The following RNF220 variants were observed in gnomAD, a reference collection of about 807,000 sequenced individuals.
RNF220 encodes the protein ring finger protein 220.
Under a neutral mutation model 67.1 loss-of-function variants are expected in RNF220, and 7 were observed. The observed-to-expected ratio is 0.10, with a 90% CI of 0.06 to 0.20. RNF220 has a LOEUF of 0.20. Among genes scored for constraint, RNF220 ranks in the 10% least tolerant of loss-of-function variants. The pLI, the probability that RNF220 is intolerant of heterozygous loss-of-function variation, is 1.00. For synonymous variants in RNF220, 270 were observed against 283.2 expected (o/e 0.95, Z 0.47); for missense variants, 565 against 740.3 (o/e 0.76, Z 2.75).
intron 2 of RNF220, among the ~76,000 whole-genome samples, chr1:44,557,719 A>T (rs1051462760): frequency 3.3e-5 from 5 of 152,242 alleles, no homozygotes; most frequent in Non-Finnish European, 7.3e-5. Flanking sequence ...GCCACGGTAT[A>T]AAATCACCTT....
intron 2 of RNF220, among the ~76,000 whole-genome samples, chr1:44,567,964 T>C (rs1422424547): frequency 6.6e-6 from 1 of 152,114 alleles, no homozygotes; most frequent in African/African-American, 2.4e-5. Flanking sequence ...ACTCAACTTG[T>C]CCAAAGCTGA....
At position 44,645,598 on chromosome 1, in the gene RNF220, T is replaced by A; in HGVS notation, c.1445+110T>A. 13 of 1,062,256 alleles carry A rather than the reference T, an allele frequency of 1.2e-5. No homozygotes were observed. The highest frequency in any genetic ancestry group is 1.7e-5 in the Non-Finnish European group (12 of 709,750). The allele number at this position is 1,062,256 out of a possible 1,614,324, so 65.8% of individuals were successfully genotyped here. A position where few individuals can be genotyped will look rare whatever the true frequency, so the allele number is the denominator to read the frequency against. ...GGCTTCTGGCCCTCCCAAGTGCAGC[T>A]CAGTGCTGCTGCCCTGGGCACACGG... On this transcript the variant is annotated intron_variant, in intron 12 of 14. Coordinates refer to ENST00000361799, the MANE Select transcript of RNF220 (RefSeq NM_018150.4). This position sits in a 1 kb window ranked among gnomAD's most constrained non-coding sequence, Gnocchi z 5.0.
chr1:44,471,530 A>C (rs991609364), intron 2 of RNF220, among the ~76,000 whole-genome samples: 1 of 150,592 alleles, frequency 6.6e-6, no homozygotes, highest in South Asian at 2.1e-4. Flanking sequence ...CGCTATAAAG[A>C]AGACTCATAC....
rs1368301924 is a variant in RNF220, at chr1:44,626,351, C to A, written c.859C>A (p.Pro287Thr). 2 of 1,613,578 alleles carry A rather than the reference C, an allele frequency of 1.2e-6. No homozygotes were observed. Among genetic ancestry groups the A allele is most frequent in the South Asian group, 2.2e-5 (2 of 91,060 alleles). The change falls in exon 5 of 15, where the codon CCC becomes ACC. Residue 287 changes from proline to threonine, a missense_variant. Transcript: ENST00000361799. The part of the protein sequence containing the change: ...KREGESPTAS[P>T]HSSATDDLHH... Reference sequence around the variant, plus strand: ...GGAAGGAGAGTCTCCAACGGCATCACCCCACTCATCTGCCACCGATGACCT... The same window carrying A: ...GGAAGGAGAGTCTCCAACGGCATCAACCCACTCATCTGCCACCGATGACCT...
intron 2 of RNF220, among the ~76,000 whole-genome samples, chr1:44,437,027 C>G (rs374491430): frequency 3.9e-5 from 6 of 152,194 alleles, no homozygotes; most frequent in African/African-American, 1.2e-4. Context: ...TAGGTCATTC[C>G]TTTGAAAAAC....
rs186322895 is a variant in RNF220 at position 44,540,555 on chromosome 1, C to G, written c.626-73610C>G. Among the ~76,000 whole-genome samples, 24 of 152,270 alleles carry G rather than the reference C, an allele frequency of 1.6e-4. No individual in the cohort carries two copies. In the East Asian group the frequency reaches 4.4e-3, roughly 28 times the overall value. ...TGTTGCGTTCCCTCTCACTCACTCC[C>G]CCTCGCCTCTGCCTTCTATGGGGAA... On this transcript the variant is annotated intron_variant, in intron 2 of 14. Coordinates refer to ENST00000361799, the MANE Select transcript of RNF220 (RefSeq NM_018150.4).
intron 2 of RNF220, among the ~76,000 whole-genome samples, chr1:44,552,946 G>T (rs1362632226): frequency 6.6e-6 from 1 of 152,024 alleles, no homozygotes; most frequent in East Asian, 1.9e-4. Flanking sequence ...CTCTCACCAC[G>T]CCCCGCCTTG....
At chr1:44,507,873 CT>C (rs150142445) in intron 2 of RNF220, among the ~76,000 whole-genome samples, 238 of 152,064 alleles carry the variant, frequency 1.6e-3, no homozygotes, top group Non-Finnish European at 2.6e-3. Flanking sequence ...GTGCCCCCCC[CT>C]CACCACACTC....
intron 5 of RNF220, among the ~76,000 whole-genome samples, chr1:44,630,116 T>G (rs1644072886): frequency 6.6e-6 from 1 of 152,222 alleles, no homozygotes; most frequent in African/African-American, 2.4e-5. Flanking sequence ...GTTTTTGTTT[T>G]TCATAGAGAC....
chr1:44,603,759 T>A (rs1418263761), intron 2 of RNF220, among the ~76,000 whole-genome samples: 1 of 152,050 alleles, frequency 6.6e-6, no homozygotes, highest in Non-Finnish European at 1.5e-5. Flanking sequence ...CTCCCTAGGG[T>A]TCTGGGTCTC....
At chr1:44,405,750 G>C (rs1039959018) in intron 1 of RNF220, among the ~76,000 whole-genome samples, 5 of 150,608 alleles carry the variant, frequency 3.3e-5, no homozygotes, top group Non-Finnish European at 4.4e-5. Flanking sequence ...CGCTCCGTGC[G>C]CTGCCTCGCT....
chr1:44,468,943 A>T (rs1234574162), intron 2 of RNF220, among the ~76,000 whole-genome samples: 1 of 152,156 alleles, frequency 6.6e-6, no homozygotes, highest in Non-Finnish European at 1.5e-5. Flanking sequence ...AATTGTTTAG[A>T]TGCCAAAAAC....
At chr1:44,518,149 G>C (rs756647867) in intron 2 of RNF220, among the ~76,000 whole-genome samples, 8 of 152,026 alleles carry the variant, frequency 5.3e-5, no homozygotes, top group African/African-American at 9.7e-5. Flanking sequence ...CTCTAGGCTG[G>C]GTGTGGTGGC....
At chr1:44,490,488 AAG>A in intron 2 of RNF220, among the ~76,000 whole-genome samples, 1 of 152,106 alleles carries the variant, frequency 6.6e-6, no homozygotes, top group East Asian at 1.9e-4. Flanking sequence ...AAAAAAAAAA[AAG>A]AAATAATAAG....
At chr1:44,496,522 C>A (rs1029334523) in intron 2 of RNF220, among the ~76,000 whole-genome samples, 1 of 152,170 alleles carries the variant, frequency 6.6e-6, no homozygotes, top group African/African-American at 2.4e-5. Context: ...ATTAATGAAC[C>A]ACTGCTCCCT....
At chr1:44,614,336 C>T in intron 3 of RNF220, 39 bp downstream of exon 3, 1 of 1,607,326 alleles carries the variant, frequency 6.2e-7, no homozygotes, top group South Asian at 1.1e-5. Flanking sequence ...CTGGAGGAGT[C>T]CACTCAGGGT....
At chr1:44,433,336 A>C (rs951913151) in intron 2 of RNF220, among the ~76,000 whole-genome samples, 2 of 152,218 alleles carry the variant, frequency 1.3e-5, no homozygotes, top group Non-Finnish European at 2.9e-5. Context: ...TGGCAAATTC[A>C]GCTTGATTTG....
chr1:44,566,139 G>A (rs1663995787), intron 2 of RNF220, among the ~76,000 whole-genome samples: 1 of 152,260 alleles, frequency 6.6e-6, no homozygotes, highest in Admixed American at 6.5e-5. Context: ...CCCAGGGGCA[G>A]GGACCCTTTT....
chr1:44,498,443 G>A (rs1657541958), intron 2 of RNF220, among the ~76,000 whole-genome samples: 1 of 152,064 alleles, frequency 6.6e-6, no homozygotes, highest in Admixed American at 6.6e-5. Context: ...ATCTAGTGGT[G>A]CTCAACCTTG....
Sources: allele counts gnomAD v4.1 joint callset (sites outside exome capture counted in the v4.1 genomes callset), GRCh38; gene constraint gnomAD v4.1.1; non-coding constraint Gnocchi (gnomAD v3.1); transcripts MANE v1.5; gene names NCBI Gene and HGNC (gene_info 2026-07-23, HGNC 2026-07-21).